Variants in PCDH15 observed in about 807,000 individuals in gnomAD.
PCDH15 encodes protocadherin related 15, also known as protocadherin-15.
In PCDH15, 129 loss-of-function variants were observed where a neutral mutation model predicts 178.5. The observed-to-expected ratio is 0.72, with a 90% CI of 0.63 to 0.84. The LOEUF (loss-of-function observed/expected upper bound fraction) is 0.84, where lower values mean the gene tolerates loss of function less well. Ranked by LOEUF, PCDH15 falls within the 40% of genes least tolerant of loss-of-function variation. The pLI, the probability that PCDH15 is intolerant of heterozygous loss-of-function variation, is 0.00. For synonymous variants in PCDH15, 800 were observed against 732.0 expected, an observed-to-expected ratio of 1.09 and a Z score of -1.50; for missense variants, 2,230 against 2,099.9, an observed-to-expected ratio of 1.06 and a Z score of -1.21.
chr10:54,028,807 A>G (rs1290536426), intron 18 of PCDH15, among the ~76,000 whole-genome samples: 3 of 137,224 alleles, frequency 2.2e-5, no homozygotes, highest in South Asian at 5.2e-4. Flanking sequence ...GGGAGGGGGG[A>G]GGGATAGCAT....
At chr10:55,387,888 T>C (rs777629734) in intron 2 of PCDH15, among the ~76,000 whole-genome samples, 20 of 152,062 alleles carry the variant, frequency 1.3e-4, no homozygotes, top group Non-Finnish European at 2.8e-4. Flanking sequence ...AGTTTTGGCT[T>C]AGTTTCCAAT....
chr10:54,345,798 T>A (rs1158531308), intron 6 of PCDH15, among the ~76,000 whole-genome samples: 6 of 46,794 alleles, frequency 1.3e-4, no homozygotes, highest in Admixed American at 4.4e-4. Context: ...CGAGACTCCG[T>A]CTCAAAAAAA....
At chr10:55,050,283 A>G (rs867698078) in intron 2 of PCDH15, among the ~76,000 whole-genome samples, 26 of 152,128 alleles carry the variant, frequency 1.7e-4, no homozygotes, top group Non-Finnish European at 2.9e-4. Context: ...TTTATTATAC[A>G]TTATGGGTTA....
chr10:54,732,190 A>T (rs1402476507), intron 1 of PCDH15, among the ~76,000 whole-genome samples: 2 of 151,372 alleles, frequency 1.3e-5, no homozygotes, highest in Non-Finnish European at 3.0e-5. Flanking sequence ...AATGAGAAGC[A>T]GACAAACTTA....
intron 18 of PCDH15, among the ~76,000 whole-genome samples, chr10:54,052,381 T>C (rs1053315702): frequency 6.6e-6 from 1 of 152,194 alleles, no homozygotes; most frequent in Non-Finnish European, 1.5e-5. Flanking sequence ...GTGTCACTCT[T>C]GCATCAGCAT....
chr10:54,937,749 G>A (rs1471315827), intron 2 of PCDH15, among the ~76,000 whole-genome samples: 4 of 151,806 alleles, frequency 2.6e-5, no homozygotes, highest in Non-Finnish European at 1.5e-5. Context: ...AATTTAATTA[G>A]GAAATGAATT....
At chr10:54,287,646 A>G (rs1445276958) in intron 8 of PCDH15, among the ~76,000 whole-genome samples, 6 of 152,142 alleles carry the variant, frequency 3.9e-5, no homozygotes, top group African/African-American at 1.4e-4. Context: ...TGACAGGACT[A>G]TTTAAAGCAC....
intron 16 of PCDH15, among the ~76,000 whole-genome samples, chr10:54,080,358 T>C (rs1388417938): frequency 6.6e-6 from 1 of 152,172 alleles, no homozygotes; most frequent in Non-Finnish European, 1.5e-5. Flanking sequence ...TTTATAACAG[T>C]TTGGCTTGCT....
intron 2 of PCDH15, among the ~76,000 whole-genome samples, chr10:54,980,821 C>T (rs879622120): frequency 2.0e-5 from 3 of 151,316 alleles, no homozygotes; most frequent in African/African-American, 4.9e-5. Flanking sequence ...AAAATTGTAC[C>T]GTGGCATACC....
intron 2 of PCDH15, among the ~76,000 whole-genome samples, chr10:55,017,997 C>A (rs1840224507): frequency 1.3e-5 from 2 of 151,926 alleles, no homozygotes; most frequent in South Asian, 4.1e-4. Flanking sequence ...ATTAAAAAAC[C>A]TTCAAAGTAA....
At position 55,043,819 on chromosome 10, in the gene PCDH15, A is replaced by C. The variant is rs75372359; in HGVS notation, c.-80+122757T>G. Among the ~76,000 whole-genome samples the C allele has an allele frequency of 5.2e-3, 789 of 152,192 alleles. 4 individuals carry two copies. Among genetic ancestry groups the C allele is most frequent in the African/African-American group, 0.018 (759 of 41,558 alleles). ...TCTTACGTGAGTGCAGGTAAAGACT[A>C]TCTGGATACTTGCTTACATAGCCAG... On this transcript the variant is annotated intron_variant, in intron 2 of 5. Transcript: ENST00000458638.
chr10:54,449,554 C>T (rs200961053), intron 3 of PCDH15, among the ~76,000 whole-genome samples: 190 of 151,826 alleles, frequency 1.3e-3, no homozygotes, highest in African/African-American at 4.4e-3. Flanking sequence ...TGACTTTATT[C>T]ACTAATCAGG....
chr10:54,057,974 A>T (rs550791688), intron 18 of PCDH15, among the ~76,000 whole-genome samples: 125 of 152,234 alleles, frequency 8.2e-4, no homozygotes, highest in African/African-American at 2.8e-3. Flanking sequence ...TCTCATCTCC[A>T]TCTAAGATCA....
At chr10:54,241,890 T>C (rs2055344637) in intron 8 of PCDH15, among the ~76,000 whole-genome samples, 1 of 151,646 alleles carries the variant, frequency 6.6e-6, no homozygotes, top group South Asian at 2.1e-4. Flanking sequence ...AAAATTATTA[T>C]TTTAATTTTA....
At chr10:54,804,185 G>T (rs997763857), upstream of PCDH15, among the ~76,000 whole-genome samples, 17 of 151,960 alleles carry the variant, frequency 1.1e-4, no homozygotes, top group African/African-American at 4.1e-4. Context: ...GACTACAGGC[G>T]CCCACCACCA....
intron 3 of PCDH15, among the ~76,000 whole-genome samples, chr10:54,399,752 G>A (rs926226139): frequency 6.6e-6 from 1 of 151,982 alleles, no homozygotes; most frequent in Non-Finnish European, 1.5e-5. Flanking sequence ...GTAAGACGCT[G>A]GGCTGTGCAG....
At chr10:54,557,382 G>A (rs1322887648) in intron 2 of PCDH15, among the ~76,000 whole-genome samples, 1 of 152,108 alleles carries the variant, frequency 6.6e-6, no homozygotes, top group Non-Finnish European at 1.5e-5. Context: ...TCAGAATGGT[G>A]CCTAATATTA....
chr10:53,880,167 A>T (rs1274809078), intron 26 of PCDH15, among the ~76,000 whole-genome samples: 3 of 152,218 alleles, frequency 2.0e-5, no homozygotes, highest in African/African-American at 7.2e-5. Context: ...CAAATAAAAT[A>T]GGTGTTATGC....
chr10:54,773,388 G>A (rs1417133702), intron 1 of PCDH15, among the ~76,000 whole-genome samples: 7 of 152,084 alleles, frequency 4.6e-5, no homozygotes, highest in Non-Finnish European at 7.4e-5. Context: ...GTTCATGTGG[G>A]ATTGTCTAAA....
Sources: allele counts gnomAD v4.1 joint callset (sites outside exome capture counted in the v4.1 genomes callset), GRCh38; gene constraint gnomAD v4.1.1; transcripts MANE v1.5; gene names NCBI Gene and HGNC (gene_info 2026-07-23, HGNC 2026-07-21).